Variants in MMP26 observed in about 807,000 individuals in gnomAD.
The protein encoded by MMP26 is matrix metallopeptidase 26.
In MMP26, 33 loss-of-function variants were observed where a neutral mutation model predicts 31.0. The observed-to-expected ratio is 1.06, with a 90% CI of 0.81 to 1.42. MMP26 has a LOEUF of 1.42. Among genes scored for constraint, MMP26 ranks in the 40% most tolerant of loss-of-function variants. The pLI is 0.00. For missense variants in MMP26, 347 were observed against 316.1 expected, an observed-to-expected ratio of 1.10 and a Z score of -0.74; for synonymous variants, 122 against 114.9, an observed-to-expected ratio of 1.06 and a Z score of -0.40.
chr11:4,821,386 A>G lies in MMP26; in HGVS notation c.-145+54045A>G, dbSNP rs1175272810. 9 of 1,610,912 alleles carry G rather than the reference A, an allele frequency of 5.6e-6. No individual in the cohort carries two copies. The African/African-American group carries it at 1.1e-4, about 19-fold the overall frequency. ...AACTATGTATTATGTGTTATGTTAA[A>G]TGACTGAAACATCCCTGTCTTCTCA... On this transcript the variant is annotated intron_variant, in intron 2 of 7. Coordinates refer to ENST00000380390, the MANE Select transcript of MMP26 (RefSeq NM_021801.5).
rs745776105 is a variant in MMP26 at position 4,992,205 on chromosome 11, T to G, written c.758-9T>G. 1.2e-6 allele frequency: 2 copies of G among 1,609,172 alleles called. No individual in the cohort carries two copies. Among genetic ancestry groups the G allele is most frequent in the African/African-American group, 2.7e-5 (2 of 74,454 alleles). ...AATTTACTGTTGTTTTTTTTTTCTG[T>G]TTCCATAGGAGAAAAATGTTCATCT... On this transcript the variant is annotated splice_polypyrimidine_tract_variant and intron_variant, in intron 7 of 7. Transcript: ENST00000380390.
At position 4,749,905 on chromosome 11, in the gene MMP26, G is replaced by A. The variant is rs556633124; in HGVS notation, c.-216-17365G>A. On this transcript the variant is annotated intron_variant, in intron 1 of 7. Coordinates refer to ENST00000380390, the MANE Select transcript of MMP26 (RefSeq NM_021801.5). Reference sequence around the variant, plus strand: ...CATGACTAAGACCTCAAAAGCAAATGCAACAGAAACAAAAATAGATAAAGG... The same window carrying A: ...CATGACTAAGACCTCAAAAGCAAATACAACAGAAACAAAAATAGATAAAGG... Among the ~76,000 whole-genome samples the A allele has an allele frequency of 3.9e-5, 6 of 152,222 alleles. No individual in the cohort carries two copies. In the South Asian group the frequency reaches 1.2e-3, roughly 32 times the overall value.
intron 2 of MMP26, among the ~76,000 whole-genome samples, chr11:4,933,009 G>A (rs1315981814): frequency 6.6e-6 from 1 of 152,140 alleles, no homozygotes; most frequent in Non-Finnish European, 1.5e-5. Context: ...ACATGAATGA[G>A]TTATGAGAAA....
intron 2 of MMP26, among the ~76,000 whole-genome samples, chr11:4,970,932 G>A (rs1420371375): frequency 6.6e-6 from 1 of 152,156 alleles, no homozygotes; most frequent in Non-Finnish European, 1.5e-5. Flanking sequence ...CATGCGGCCT[G>A]GGGTGAAGGG....
intron 2 of MMP26, among the ~76,000 whole-genome samples, chr11:4,948,705 A>T (rs2133609260): frequency 8.0e-6 from 1 of 124,380 alleles, no homozygotes; most frequent in South Asian, 2.4e-4. Flanking sequence ...CACCTCTATT[A>T]GTAAATAGTC....
chr11:4,784,376 GC>G (rs994994426), intron 2 of MMP26, among the ~76,000 whole-genome samples: 8 of 152,198 alleles, frequency 5.3e-5, no homozygotes, highest in Non-Finnish European at 4.4e-5. Flanking sequence ...ACCTCTAAAA[GC>G]TATGCCCAAG....
chr11:4,891,027 A>AATAAT (rs1850613827), intron 2 of MMP26, among the ~76,000 whole-genome samples: 1 of 117,908 alleles, frequency 8.5e-6, no homozygotes, highest in South Asian at 3.2e-4. Flanking sequence ...ATAATAATAA[A>AATAAT]AGTAAAAGGA....
chr11:4,897,422 G>C (rs571206932), intron 2 of MMP26, among the ~76,000 whole-genome samples: 4 of 152,182 alleles, frequency 2.6e-5, no homozygotes, highest in Non-Finnish European at 4.4e-5. Flanking sequence ...ACAGGCATAA[G>C]CCATCATGCC....
intron 2 of MMP26, chr11:4,908,342 A>T: frequency 3.2e-6 from 5 of 1,565,826 alleles, no homozygotes; most frequent in African/African-American, 1.3e-5. Flanking sequence ...ATTATCAACC[A>T]GTAGGCATTT....
intron 2 of MMP26, among the ~76,000 whole-genome samples, chr11:4,853,987 A>G (rs1209634215): frequency 1.3e-5 from 2 of 152,244 alleles, no homozygotes; most frequent in Non-Finnish European, 2.9e-5. Context: ...TTCAACATCA[A>G]CTAATACACA....
chr11:4,937,303 C>A (rs191007202), intron 2 of MMP26: 22 of 152,284 alleles, frequency 1.4e-4, no homozygotes, highest in Admixed American at 9.2e-4. Flanking sequence ...AAACATTCAA[C>A]GTCTATTTAG....
At chr11:4,942,116 T>C (rs190847594) in intron 2 of MMP26, among the ~76,000 whole-genome samples, 1,031 of 75,064 alleles carry the variant, frequency 0.014, 11 homozygotes, top group African/African-American at 0.042. Flanking sequence ...AAAAAGGAAG[T>C]AAAACCCTAC....
chr11:4,822,073 C>A (rs755729544), intron 2 of MMP26: 1 of 1,613,832 alleles, frequency 6.2e-7, no homozygotes, highest in Non-Finnish European at 8.5e-7. Context: ...TTGCATCCTG[C>A]TCTCCTATAT....
intron 2 of MMP26, among the ~76,000 whole-genome samples, chr11:4,805,109 C>G (rs1275913225): frequency 6.6e-6 from 1 of 152,130 alleles, no homozygotes; most frequent in Non-Finnish European, 1.5e-5. Flanking sequence ...AACTTTTCCA[C>G]AGGTCCTTTT....
At chr11:4,833,899 T>A (rs990946707) in intron 2 of MMP26, among the ~76,000 whole-genome samples, 6 of 152,192 alleles carry the variant, frequency 3.9e-5, no homozygotes, top group Admixed American at 1.3e-4. Flanking sequence ...CATATATCTC[T>A]CTCACTAACT....
At chr11:4,947,309 G>A in intron 2 of MMP26, 3 of 376,942 alleles carry the variant, frequency 8.0e-6, no homozygotes, top group African/African-American at 2.2e-5. Flanking sequence ...ATAATACATT[G>A]GAAAAATTAT....
intron 2 of MMP26, among the ~76,000 whole-genome samples, chr11:4,811,757 A>T (rs1044678486): frequency 6.6e-6 from 1 of 152,102 alleles, no homozygotes; most frequent in Non-Finnish European, 1.5e-5. Context: ...CACAGTCCCA[A>T]ATGCCACTTG....
chr11:4,803,648 A>C (rs2053116), intron 2 of MMP26: 528,088 of 1,613,236 alleles, frequency 0.33, 92,703 homozygotes, highest in African/African-American at 0.52. Flanking sequence ...ATATGGGAGG[A>C]ACGTGTGCTA....
intron 2 of MMP26, among the ~76,000 whole-genome samples, chr11:4,784,277 T>C (rs1487438423): frequency 6.6e-6 from 1 of 152,220 alleles, no homozygotes; most frequent in Non-Finnish European, 1.5e-5. Flanking sequence ...TCATGGTGGC[T>C]GGTTTCCAAG....
Sources: allele counts gnomAD v4.1 joint callset (sites outside exome capture counted in the v4.1 genomes callset), GRCh38; gene constraint gnomAD v4.1.1; transcripts MANE v1.5; gene names NCBI Gene and HGNC (gene_info 2026-07-23, HGNC 2026-07-21).